Variants in DNAJB6 observed in about 807,000 individuals in gnomAD.
DNAJB6 encodes the protein DnaJ heat shock protein family (Hsp40) member B6.
DNAJB6 carries 16 observed loss-of-function variants against 42.7 expected under a neutral mutation model. The observed-to-expected ratio is 0.37, with a 90% CI of 0.25 to 0.57. The LOEUF (loss-of-function observed/expected upper bound fraction) is 0.57. Among genes scored for constraint, DNAJB6 ranks in the 20% least tolerant of loss-of-function variants. The pLI, the probability that DNAJB6 is intolerant of heterozygous loss-of-function variation, is 0.74. For synonymous variants in DNAJB6, 170 were observed against 163.5 expected (o/e 1.04, Z -0.30); for missense variants, 347 against 416.8 (o/e 0.83, Z 1.46).
At chr7:157,405,925 G>A (rs1304240849) in intron 8 of DNAJB6, among the ~76,000 whole-genome samples, 2 of 152,244 alleles carry the variant, frequency 1.3e-5, no homozygotes, top group African/African-American at 2.4e-5. Context: ...GGGTGGGAAC[G>A]CTCCATCCAC....
chr7:157,359,696 G>C (rs1799482317), intron 2 of DNAJB6, among the ~76,000 whole-genome samples: 1 of 152,172 alleles, frequency 6.6e-6, no homozygotes, highest in East Asian at 1.9e-4. Flanking sequence ...GCACATGCCT[G>C]TAGTCCCAAC....
At chr7:157,390,030 C>T (rs1801263380) in intron 8 of DNAJB6, among the ~76,000 whole-genome samples, 1 of 152,240 alleles carries the variant, frequency 6.6e-6, no homozygotes, top group African/African-American at 2.4e-5. Flanking sequence ...GAATGCAGGT[C>T]CTGTGAAGGC....
At chr7:157,373,167 G>T (rs1800301912) in intron 5 of DNAJB6, among the ~76,000 whole-genome samples, 1 of 152,210 alleles carries the variant, frequency 6.6e-6, no homozygotes, top group Admixed American at 6.5e-5. Context: ...CCTGTTCCCA[G>T]TAAGGTCACA....
intron 1 of DNAJB6, 22 bp downstream of exon 1, chr7:157,337,166 C>CG (rs1490578062): frequency 2.0e-5 from 3 of 152,218 alleles, no homozygotes; most frequent in African/African-American, 7.2e-5. Flanking sequence ...TTCCGAGGGT[C>CG]GGGGGAGGTC....
chr7:157,383,165 C>T (rs545602797), intron 6 of DNAJB6, among the ~76,000 whole-genome samples: 1 of 152,206 alleles, frequency 6.6e-6, no homozygotes, highest in South Asian at 2.1e-4. Flanking sequence ...CACCAGCAGG[C>T]CCAGCTAATT....
At chr7:157,407,984 C>A (rs1012752060) in intron 8 of DNAJB6, among the ~76,000 whole-genome samples, 1 of 152,128 alleles carries the variant, frequency 6.6e-6, no homozygotes, top group Non-Finnish European at 1.5e-5. Context: ...GCGGGCATGG[C>A]CTGTGTGCTG....
intron 1 of DNAJB6, among the ~76,000 whole-genome samples, chr7:157,346,476 T>C (rs1047821084): frequency 1.3e-5 from 2 of 152,244 alleles, no homozygotes; most frequent in Non-Finnish European, 2.9e-5. Flanking sequence ...TTAGTATTTC[T>C]ACAGCTTCAG....
chr7:157,408,458 A>G (rs1008199873), intron 8 of DNAJB6, among the ~76,000 whole-genome samples: 5 of 152,068 alleles, frequency 3.3e-5, no homozygotes, highest in African/African-American at 1.2e-4. Context: ...CCCTCTGGGG[A>G]CACACAGGCT....
At chr7:157,358,173 T>C (rs747433517) in intron 1 of DNAJB6, among the ~76,000 whole-genome samples, 1 of 152,144 alleles carries the variant, frequency 6.6e-6, no homozygotes, top group East Asian at 1.9e-4. Context: ...AGGAATGCAT[T>C]GAATGAAAGA....
At position 157,384,300 on chromosome 7, in the gene DNAJB6, T is replaced by C. The variant is rs542991976; in HGVS notation, c.479-567T>C. On this transcript the variant is annotated intron_variant, in intron 6 of 9. Transcript: ENST00000262177. ...TTCTGCAATTATTTTAGTTTTTTAA[T>C]AATTTAGATTCTTATCCCCTGTGGT... Among the ~76,000 whole-genome samples, 131 of 152,356 alleles carry C rather than the reference T, an allele frequency of 8.6e-4. 1 individual carries two copies. Among genetic ancestry groups the C allele is most frequent in the African/African-American group, 2.7e-3 (114 of 41,574 alleles).
At chr7:157,349,705 C>A (rs1315575362) in intron 1 of DNAJB6, among the ~76,000 whole-genome samples, 1 of 152,138 alleles carries the variant, frequency 6.6e-6, no homozygotes, top group Non-Finnish European at 1.5e-5. Context: ...AGTGCAGTGG[C>A]ATGATCTCAG....
At chr7:157,368,073 C>G (rs760041370) in intron 5 of DNAJB6, among the ~76,000 whole-genome samples, 7 of 152,066 alleles carry the variant, frequency 4.6e-5, no homozygotes, top group Non-Finnish European at 1.0e-4. Flanking sequence ...GAGATTGGGC[C>G]ACTGCACTCC....
intron 1 of DNAJB6, among the ~76,000 whole-genome samples, chr7:157,351,826 CAAAA>C (rs996485348): frequency 5.4e-5 from 8 of 148,984 alleles, no homozygotes; most frequent in African/African-American, 1.7e-4. Context: ...AAAAACAAAA[CAAAA>C]AAAACCACAA....
rs1378549794 is a variant in DNAJB6, at chr7:157,362,430, A to G, written c.66-731A>G. Among the ~76,000 whole-genome samples, 4 of 152,202 alleles carry G rather than the reference A, an allele frequency of 2.6e-5. No homozygotes were observed. In the East Asian group the frequency reaches 7.7e-4, roughly 29 times the overall value. ...GCTCTTGTTGCCCAGGCTGGAGTGC[A>G]ATGGTGCGATCTCGGCTCACCACAA... On this transcript the variant is annotated intron_variant, in intron 2 of 9. Transcript: ENST00000262177.
intron 3 of DNAJB6, among the ~76,000 whole-genome samples, chr7:157,365,886 A>G (rs2116986994): frequency 6.6e-6 from 1 of 150,714 alleles, no homozygotes; most frequent in South Asian, 2.1e-4. Context: ...CTGCTCTCGA[A>G]CTCCTGACCT....
At position 157,398,619 on chromosome 7, in the gene DNAJB6, GA is replaced by G. The variant is rs983256025; in HGVS notation, c.692-11175del. Among the ~76,000 whole-genome samples, 25 of 152,216 alleles carry G rather than the reference GA, an allele frequency of 1.6e-4. No individual in the cohort carries two copies. In the East Asian group the frequency reaches 1.7e-3, roughly 11 times the overall value. ...GATGATTTCAGTGTGTTTTTGGCTT[GA>G]GGGGGGGGATGCTGGCAGATCTTGT... On this transcript the variant is annotated intron_variant, in intron 8 of 9. Transcript: ENST00000262177.
At chr7:157,388,018 G>A (rs916830523) in intron 8 of DNAJB6, among the ~76,000 whole-genome samples, 1 of 151,994 alleles carries the variant, frequency 6.6e-6, no homozygotes, top group South Asian at 2.1e-4. Flanking sequence ...GCTAATTTTT[G>A]TATTTTTAGT....
At chr7:157,386,714 T>C (rs1801079239) in intron 8 of DNAJB6, among the ~76,000 whole-genome samples, 1 of 152,092 alleles carries the variant, frequency 6.6e-6, no homozygotes, top group Non-Finnish European at 1.5e-5. Context: ...GAAACCCCTG[T>C]CTCTACTAAA....
At chr7:157,412,452 A>AC (rs1796006889) in intron 9 of DNAJB6, 1 of 152,162 alleles carries the variant, frequency 6.6e-6, no homozygotes, top group Admixed American at 6.5e-5. Flanking sequence ...ACGGGTGCAG[A>AC]CCCCTTAGCT....
Sources: allele counts gnomAD v4.1 joint callset (sites outside exome capture counted in the v4.1 genomes callset), GRCh38; gene constraint gnomAD v4.1.1; transcripts MANE v1.5; gene names NCBI Gene and HGNC (gene_info 2026-07-23, HGNC 2026-07-21).